The following MEX3C variants were observed in gnomAD, a reference collection of about 807,000 sequenced individuals.
MEX3C encodes mex-3 RNA binding family member C.
In MEX3C, 15 loss-of-function variants were observed where a neutral mutation model predicts 35.5. That is an observed-to-expected ratio of 0.42 (90% CI 0.28 to 0.65). The LOEUF (loss-of-function observed/expected upper bound fraction) is 0.65, where lower values mean the gene tolerates loss of function less well. Ranked by LOEUF, MEX3C falls within the 30% of genes least tolerant of loss-of-function variation. MEX3C has a pLI of 0.20. For missense variants in MEX3C, 711 were observed against 842.8 expected (o/e 0.84, Z 1.94); for synonymous variants, 390 against 352.8 (o/e 1.11, Z -1.18).
chr18:51,197,154 C>A lies in MEX3C; in HGVS notation c.167G>T (p.Gly56Val). Residue 56 changes from glycine (G) to valine (V), a missense_variant, in exon 1 of 2, where the codon GGC becomes GTC. Around this residue, in one of 4 missense-constraint regions of MEX3C, gnomAD observed 354 missense variants for 311.6 expected, o/e 1.14. Transcript: ENST00000406189. Reference sequence around the variant, plus strand: ...CTCCGCCGGGCTGGGGTCGTCGAGGCCTAGCGCGGCCAAGCGCTCCCTCAG... The same window carrying A: ...CTCCGCCGGGCTGGGGTCGTCGAGGACTAGCGCGGCCAAGCGCTCCCTCAG... Reference protein sequence around the residue: ...LLLRERLAALGLDDPSPAEPG... With the variant: ...LLLRERLAALVLDDPSPAEPG... 1 of 1,057,146 alleles carries A rather than the reference C, an allele frequency of 9.5e-7. No homozygotes were observed. The allele number at this position is 1,057,146 out of a possible 1,614,324, so 65.5% of individuals were successfully genotyped here. A position where few individuals can be genotyped will look rare whatever the true frequency, so the allele number is the denominator to read the frequency against.
intron 1 of MEX3C, among the ~76,000 whole-genome samples, chr18:51,191,598 A>T (rs1568234754): frequency 6.6e-6 from 1 of 152,232 alleles, no homozygotes; most frequent in Non-Finnish European, 1.5e-5. Flanking sequence ...ATAATGAGTC[A>T]AACTATCTGC....
Position 51,176,008 on chromosome 18 carries a change from G to A in MEX3C, c.*343C>T, listed in dbSNP as rs1384632409. On this transcript the variant is annotated 3_prime_UTR_variant, in exon 2 of 2. Coordinates refer to ENST00000406189, the MANE Select transcript of MEX3C (RefSeq NM_016626.5). ...AAGTGGTTAGGCTTTGGGACCCATT[G>A]TTTTGAAATCTTAGACGTATACACT... 5.4e-6 allele frequency: 1 copy of A among 185,684 alleles called. No individual in the cohort carries two copies. The highest frequency in any genetic ancestry group is 1.1e-5 in the Non-Finnish European group (1 of 89,512). The allele number at this position is 185,684 out of a possible 1,614,324, so 11.5% of individuals were successfully genotyped here.
intron 1 of MEX3C, chr18:51,196,221 G>C (rs1912782911): frequency 2.7e-6 from 1 of 370,480 alleles, no homozygotes; most frequent in Non-Finnish European, 4.9e-6. Context: ...GTACCCAACA[G>C]CGAACCCACA....
chr18:51,176,600 G>A lies in MEX3C; in HGVS notation c.1731C>T (p.Ile577=), dbSNP rs772760975. 36 of 1,613,882 alleles carry A rather than the reference G, an allele frequency of 2.2e-5. No homozygotes were observed. Among genetic ancestry groups the A allele is most frequent in the Middle Eastern group, 3.3e-4 (2 of 6,084 alleles). ...TATTGGTACCATTAGAAAAAGCAGGGATATATATTGGAAGGCCAACATGGT... is the reference window on the plus strand; with the variant it reads ...TATTGGTACCATTAGAAAAAGCAGGAATATATATTGGAAGGCCAACATGGT... ...TGNHVGLPIY[I]PAFSNGTNSY... The change falls in exon 2 of 2, where the codon ATC becomes ATT. Residue 577 remains isoleucine (I), a synonymous_variant. Coordinates refer to ENST00000406189, the MANE Select transcript of MEX3C (RefSeq NM_016626.5).
intron 1 of MEX3C, among the ~76,000 whole-genome samples, chr18:51,182,465 G>C (rs940218706): frequency 2.0e-4 from 30 of 152,212 alleles, no homozygotes; most frequent in Non-Finnish European, 3.1e-4. Context: ...AGACTAGACT[G>C]TTTAGAGGTC....
chr18:51,180,502 G>A (rs1912402102), intron 1 of MEX3C, among the ~76,000 whole-genome samples: 1 of 152,106 alleles, frequency 6.6e-6, no homozygotes, highest in Non-Finnish European at 1.5e-5. Flanking sequence ...TGTTTTTTGA[G>A]ATGGAGTCTC....
In MEX3C at chr18:51,176,835, A is replaced by T; in HGVS notation, c.1496T>A (p.Phe499Tyr). The change falls in exon 2 of 2, where the codon TTT (phenylalanine) becomes TAT (tyrosine). Residue 499 changes from phenylalanine (F) to tyrosine (Y), a missense_variant. Physicochemically the swap from Phe to Tyr is conservative, Grantham distance 22. Around this residue, in one of 4 missense-constraint regions of MEX3C, gnomAD observed 187 missense variants for 201.7 expected, o/e 0.93. Coordinates refer to ENST00000406189, the MANE Select transcript of MEX3C (RefSeq NM_016626.5). The stretch of plus-strand genomic sequence containing the variant: ...TTGAGCAGATGTTGGTAAAGAGTCA[A>T]AGGCAGGAGAGTCAACTGCTAGGTC... The part of the protein sequence containing the change: ...SEDLAVDSPA[F>Y]DSLPTSAQTI... 6.2e-7 allele frequency: 1 copy of T among 1,614,020 alleles called. No homozygotes were observed. Among genetic ancestry groups the T allele is most frequent in the Middle Eastern group, 1.6e-4 (1 of 6,062 alleles).
intron 1 of MEX3C, among the ~76,000 whole-genome samples, chr18:51,178,814 T>A: frequency 6.6e-6 from 1 of 150,454 alleles, no homozygotes; most frequent in East Asian, 2.0e-4. Flanking sequence ...GAGCCGAGAT[T>A]GTCCCACTGC....
chr18:51,178,013 AAATT>A (rs1344068713), intron 1 of MEX3C, among the ~76,000 whole-genome samples: 1 of 152,236 alleles, frequency 6.6e-6, no homozygotes, highest in African/African-American at 2.4e-5. Flanking sequence ...GCTAGTAACT[AAATT>A]ATCTAAATTA....
At chr18:51,186,028 G>C (rs1912530232) in intron 1 of MEX3C, among the ~76,000 whole-genome samples, 1 of 152,230 alleles carries the variant, frequency 6.6e-6, no homozygotes, top group African/African-American at 2.4e-5. Context: ...GTGATACACA[G>C]TAAAAGTGGC....
At chr18:51,189,106 T>C (rs763012620) in intron 1 of MEX3C, among the ~76,000 whole-genome samples, 1 of 152,232 alleles carries the variant, frequency 6.6e-6, no homozygotes, top group African/African-American at 2.4e-5. Context: ...CATGTAGTTT[T>C]TGCACAGTGC....
chr18:51,177,638 A>C lies in MEX3C; in HGVS notation c.755-62T>G. The C allele has an allele frequency of 6.7e-7, 1 of 1,485,976 alleles. No individual in the cohort carries two copies. The highest frequency in any genetic ancestry group is 9.0e-7 in the Non-Finnish European group (1 of 1,111,918). The allele number at this position is 1,485,976 out of a possible 1,614,324, so 92.0% of individuals were successfully genotyped here. A position where few individuals can be genotyped will look rare whatever the true frequency, so the allele number is the denominator to read the frequency against. On this transcript the variant is annotated intron_variant, in intron 1 of 1. Coordinates refer to ENST00000406189, the MANE Select transcript of MEX3C (RefSeq NM_016626.5). The surrounding 1 kb of genome is among the most constrained non-coding windows in gnomAD (Gnocchi z 4.2). The stretch of plus-strand genomic sequence containing the variant: ...TACTTCAATGATATATATAAAGACA[A>C]ATCACAGAATGCACCTTTTAAGCTA...
At chr18:51,178,375 T>C (rs1374798317) in intron 1 of MEX3C, among the ~76,000 whole-genome samples, 1 of 129,208 alleles carries the variant, frequency 7.7e-6, no homozygotes, top group Non-Finnish European at 1.6e-5. Flanking sequence ...TTTAACCAAC[T>C]TTTTTTTTTT....
Position 51,177,692 on chromosome 18 carries a change from GT to G in MEX3C, c.755-117del. On this transcript the variant is annotated intron_variant, in intron 1 of 1. Transcript: ENST00000406189. The surrounding 1 kb of genome is among the most constrained non-coding windows in gnomAD (Gnocchi z 4.2). The stretch of plus-strand genomic sequence containing the variant: ...ATCTGGTTATGGGTTAAGTTTTAGA[GT>G]TTTTCACATAGCTAGGAAGTGGCAG... 2 of 1,205,082 alleles carry G rather than the reference GT, an allele frequency of 1.7e-6. No individual in the cohort carries two copies. The highest frequency in any genetic ancestry group is 2.4e-5 in the East Asian group (1 of 41,126). The allele number at this position is 1,205,082 out of a possible 1,614,324, so 74.6% of individuals were successfully genotyped here. A position where few individuals can be genotyped will look rare whatever the true frequency, so the allele number is the denominator to read the frequency against.
intron 1 of MEX3C, among the ~76,000 whole-genome samples, chr18:51,188,306 A>C (rs1005728412): frequency 2.6e-5 from 4 of 152,340 alleles, no homozygotes; most frequent in African/African-American, 9.6e-5. Context: ...GGGTCCTTAC[A>C]TAAAAAGCTG....
intron 1 of MEX3C, among the ~76,000 whole-genome samples, chr18:51,181,257 TTA>T (rs1912422722): frequency 6.6e-6 from 1 of 152,010 alleles, no homozygotes; most frequent in Admixed American, 6.6e-5. Context: ...CCTAAAATAT[TTA>T]TAACATTATT....
Position 51,176,705 on chromosome 18 carries a change from A to G in MEX3C, c.1626T>C (p.Pro542=). ...TQRRGSQPST[P]RLSPTFPESI... is the part of the protein sequence containing the mutation. ...TCTCAGGAAATGTAGGAGACAGACG[A>G]GGAGTAGATGGCTGACTTCCTCTGC... Residue 542 remains proline, a synonymous_variant, in exon 2 of 2, where the codon CCT becomes CCC. Coordinates refer to ENST00000406189, the MANE Select transcript of MEX3C (RefSeq NM_016626.5). 1 of 1,614,042 alleles carries G rather than the reference A, an allele frequency of 6.2e-7. No homozygotes were observed. The highest frequency in any genetic ancestry group is 1.1e-5 in the South Asian group (1 of 91,088).
chr18:51,197,216 GGGCGGCGGCAGAGGCGGCGGT>G lies in MEX3C; in HGVS notation c.84_104del (p.Pro29_Pro35del). Reference sequence around the variant, plus strand: ...CCCCCTCGAGCTCCGGGCCGCCCGAGGGCGGCGGCAGAGGCGGCGGTGGCGGCGGCGGCGGCGGGGGCGGCT... The same window carrying G: ...CCCCCTCGAGCTCCGGGCCGCCCGAGGGCGGCGGCGGCGGCGGGGGCGGCT... On this transcript the variant is annotated inframe_deletion, in exon 1 of 2. Coordinates refer to ENST00000406189, the MANE Select transcript of MEX3C (RefSeq NM_016626.5). 4.0e-6 allele frequency: 4 copies of G among 1,005,662 alleles called. No individual in the cohort carries two copies. The highest frequency in any genetic ancestry group is 4.7e-6 in the Non-Finnish European group (4 of 845,688). The allele number at this position is 1,005,662 out of a possible 1,614,324, so 62.3% of individuals were successfully genotyped here.
chr18:51,196,198 C>G, intron 1 of MEX3C: 1 of 312,824 alleles, frequency 3.2e-6, no homozygotes, highest in Non-Finnish European at 5.9e-6. Context: ...AACTTGCAAT[C>G]TCGAAGCTTT....
Sources: gnomAD v4.1 joint callset for allele counts (sites outside exome capture counted in the v4.1 genomes callset) on GRCh38, gnomAD v4.1.1 for gene constraint, gnomAD v4.1.1 regional missense constraint, Gnocchi (gnomAD v3.1) non-coding constraint, MANE v1.5 for transcripts, NCBI Gene and HGNC (gene_info 2026-07-23, HGNC 2026-07-21) for gene names.